Variants in TRAK1 observed in about 807,000 individuals in gnomAD.
The protein encoded by TRAK1 is trafficking kinesin protein 1.
A neutral mutation model predicts 92.1 loss-of-function variants in TRAK1; 33 were observed. The ratio of observed to expected loss-of-function variants is 0.36; its 90% CI spans 0.27 to 0.48. The LOEUF (loss-of-function observed/expected upper bound fraction) is 0.48, where lower values mean the gene tolerates loss of function less well. Ranked by LOEUF, TRAK1 falls within the 20% of genes least tolerant of loss-of-function variation. The probability of loss-of-function intolerance (pLI) is 0.99; values close to 1 mark genes in which losing one functional copy is unlikely to be tolerated. For missense variants in TRAK1, 1,123 were observed against 1,257.9 expected, an observed-to-expected ratio of 0.89 and a Z score of 1.62; for synonymous variants, 521 against 517.3, an observed-to-expected ratio of 1.01 and a Z score of -0.10.
At chr3:42,132,557 G>A (rs1697355794) in intron 2 of TRAK1, among the ~76,000 whole-genome samples, 1 of 152,014 alleles carries the variant, frequency 6.6e-6, no homozygotes, top group South Asian at 2.1e-4. Flanking sequence ...GAGCCACCAT[G>A]TCCAGCCTAA....
intron 10 of TRAK1, among the ~76,000 whole-genome samples, chr3:42,195,593 A>G (rs950564080): frequency 1.3e-5 from 2 of 150,908 alleles, no homozygotes; most frequent in African/African-American, 4.9e-5. Flanking sequence ...AGCAGATACT[A>G]TCCCCATCCC....
At chr3:42,036,231 C>A (rs1702321573) in intron 1 of TRAK1, among the ~76,000 whole-genome samples, 1 of 152,188 alleles carries the variant, frequency 6.6e-6, no homozygotes, top group African/African-American at 2.4e-5. Flanking sequence ...TCATTACTCC[C>A]AAAAGATTGT....
intron 2 of TRAK1, among the ~76,000 whole-genome samples, chr3:42,148,706 T>C (rs937017231): frequency 7.9e-5 from 12 of 152,212 alleles, no homozygotes; most frequent in African/African-American, 2.9e-4. Context: ...GCTGTTTTTC[T>C]AGAAGTTTGA....
chr3:42,220,397 G>A (rs1015953326), intron 15 of TRAK1: 1 of 811,320 alleles, frequency 1.2e-6, no homozygotes, highest in Admixed American at 6.2e-5. Flanking sequence ...CCCCTCAGCT[G>A]TTTCCTCTGT....
intron 2 of TRAK1, among the ~76,000 whole-genome samples, chr3:42,126,316 A>C (rs1710551512): frequency 6.6e-6 from 1 of 152,178 alleles, no homozygotes; most frequent in Non-Finnish European, 1.5e-5. Flanking sequence ...AAATATGTGT[A>C]CCAAGGCTGA....
intron 1 of TRAK1, among the ~76,000 whole-genome samples, chr3:42,042,336 G>T (rs1702578312): frequency 6.6e-6 from 1 of 151,868 alleles, no homozygotes; most frequent in South Asian, 2.1e-4. Flanking sequence ...TTATTAATAT[G>T]GTATATCATA....
At chr3:42,022,256 G>A (rs1165738110) in intron 1 of TRAK1, among the ~76,000 whole-genome samples, 1 of 152,196 alleles carries the variant, frequency 6.6e-6, no homozygotes, top group Non-Finnish European at 1.5e-5. Flanking sequence ...ACATAGTTTG[G>A]TGTTATATAT....
At chr3:42,134,067 T>G (rs1697565319) in intron 2 of TRAK1, among the ~76,000 whole-genome samples, 1 of 152,110 alleles carries the variant, frequency 6.6e-6, no homozygotes, top group Non-Finnish European at 1.5e-5. Context: ...GGGAAAATGC[T>G]CAATTCACAA....
At chr3:42,084,883 G>A (rs1027203177), upstream of TRAK1, among the ~76,000 whole-genome samples, 6 of 146,164 alleles carry the variant, frequency 4.1e-5, no homozygotes, top group Non-Finnish European at 6.0e-5. Flanking sequence ...AGCTTCTCTT[G>A]TTAACTTTCT....
At chr3:42,149,556 G>C (rs965640700) in intron 2 of TRAK1, 1 of 1,536,030 alleles carries the variant, frequency 6.5e-7, no homozygotes, top group Non-Finnish European at 8.7e-7. Context: ...TTATCGAAGC[G>C]GATTATTATG....
At chr3:42,021,077 C>CA (rs1019005855) in intron 1 of TRAK1, among the ~76,000 whole-genome samples, 7 of 152,026 alleles carry the variant, frequency 4.6e-5, no homozygotes, top group Admixed American at 4.6e-4. Flanking sequence ...TCAAAACAAA[C>CA]AAAAAACCAA....
chr3:42,089,931 C>G (rs987379440), upstream of TRAK1, among the ~76,000 whole-genome samples: 4 of 152,176 alleles, frequency 2.6e-5, no homozygotes, highest in African/African-American at 9.7e-5. Flanking sequence ...TCAATTTGTG[C>G]AGTGAGTACT....
At chr3:42,013,740 GGCC>G (rs1419887060), upstream of TRAK1, 1 of 147,764 alleles carries the variant, frequency 6.8e-6, no homozygotes, top group African/African-American at 2.5e-5. This position sits in a 1 kb window ranked among gnomAD's most constrained non-coding sequence, Gnocchi z 5.1. Context: ...GGGCCCACCC[GGCC>G]GCCGCCCCCG....
chr3:42,087,940 C>T (rs148685940), upstream of TRAK1, among the ~76,000 whole-genome samples: 55 of 152,274 alleles, frequency 3.6e-4, no homozygotes, highest in Non-Finnish European at 7.6e-4. Context: ...AACATCTGTG[C>T]GGGCACTTAG....
intron 11 of TRAK1, 40 bp downstream of exon 11, chr3:42,199,293 C>A (rs765455102): frequency 6.2e-7 from 1 of 1,603,302 alleles, no homozygotes; most frequent in East Asian, 2.2e-5. Context: ...TTCCCAGAGA[C>A]CAACTTGGAC....
Position 42,157,964 on chromosome 3 carries a change from T to C in TRAK1, c.287-18850T>C, listed in dbSNP as rs111955837. Among the ~76,000 whole-genome samples, 896 of 152,332 alleles carry C rather than the reference T, an allele frequency of 5.9e-3. 12 individuals are homozygous for C. The highest frequency in any genetic ancestry group is 0.02 in the African/African-American group (831 of 41,578). On this transcript the variant is annotated intron_variant, in intron 2 of 15. Transcript: ENST00000327628. ...GTAACTTTTCTGTAAATCTGAACTG[T>C]GTACCCCCCAAAAACAAAATATTCA...
chr3:42,198,295 T>A (rs916625907), intron 10 of TRAK1, among the ~76,000 whole-genome samples: 2 of 152,152 alleles, frequency 1.3e-5, no homozygotes, highest in African/African-American at 4.8e-5. Context: ...CCTGGCCCAT[T>A]GGTGAAGTGA....
chr3:42,170,990 A>T (rs1019618022), intron 2 of TRAK1, among the ~76,000 whole-genome samples: 1 of 148,440 alleles, frequency 6.7e-6, no homozygotes, highest in African/African-American at 2.5e-5. Flanking sequence ...CACCCTGCTA[A>T]TTTTTTTTTT....
At chr3:42,152,748 T>A (rs1438066875) in intron 2 of TRAK1, among the ~76,000 whole-genome samples, 1 of 152,244 alleles carries the variant, frequency 6.6e-6, no homozygotes, top group African/African-American at 2.4e-5. Context: ...GTATGACACC[T>A]TTTTAATTTT....
Sources: allele counts gnomAD v4.1 joint callset (sites outside exome capture counted in the v4.1 genomes callset), GRCh38; gene constraint gnomAD v4.1.1; non-coding constraint Gnocchi (gnomAD v3.1); transcripts MANE v1.5; gene names NCBI Gene and HGNC (gene_info 2026-07-23, HGNC 2026-07-21).